PARD3B: variants seen among roughly 807,000 people sequenced by gnomAD.
PARD3B encodes the protein par-3 family cell polarity regulator beta, also known as partitioning defective 3 homolog B.
PARD3B carries 103 observed loss-of-function variants against 130.2 expected under a neutral mutation model. The ratio of observed to expected loss-of-function variants is 0.79; its 90% CI spans 0.67 to 0.93. The LOEUF (loss-of-function observed/expected upper bound fraction) is 0.93. Among genes scored for constraint, PARD3B ranks in the 40% least tolerant of loss-of-function variants. The probability of loss-of-function intolerance (pLI) is 0.00; values close to 1 mark genes in which losing one functional copy is unlikely to be tolerated. For missense variants in PARD3B, 1,609 were observed against 1,499.2 expected, an observed-to-expected ratio of 1.07 and a Z score of -1.21; for synonymous variants, 583 against 553.2, an observed-to-expected ratio of 1.05 and a Z score of -0.76.
At chr2:204,763,474 T>C (rs1324774939) in intron 2 of PARD3B, among the ~76,000 whole-genome samples, 2 of 152,158 alleles carry the variant, frequency 1.3e-5, no homozygotes, top group Non-Finnish European at 2.9e-5. Context: ...TTCTTCAAAA[T>C]ATAGGAGTAA....
chr2:205,413,495 A>G (rs1166796814), intron 19 of PARD3B, among the ~76,000 whole-genome samples: 3 of 152,178 alleles, frequency 2.0e-5, no homozygotes, highest in Non-Finnish European at 4.4e-5. Context: ...AACCGTACTG[A>G]TTTTAATTTT....
At chr2:205,022,795 G>A (rs913196853) in intron 3 of PARD3B, among the ~76,000 whole-genome samples, 2 of 152,080 alleles carry the variant, frequency 1.3e-5, no homozygotes, top group African/African-American at 4.8e-5. Context: ...GGGACACTGG[G>A]TTTTCCCCCC....
chr2:205,145,722 AGTT>A (rs1208549237), intron 10 of PARD3B, among the ~76,000 whole-genome samples: 1 of 150,152 alleles, frequency 6.7e-6, no homozygotes, highest in Non-Finnish European at 1.5e-5. Context: ...CTCCGTGTAA[AGTT>A]GTTTTCATGG....
chr2:205,067,060 A>T (rs1700427124), intron 4 of PARD3B, among the ~76,000 whole-genome samples: 2 of 97,534 alleles, frequency 2.1e-5, no homozygotes, highest in South Asian at 5.9e-4. Flanking sequence ...TGGTCACCAA[A>T]TATTTCTTTG....
At chr2:204,703,063 A>T (rs1380312348) in intron 2 of PARD3B, among the ~76,000 whole-genome samples, 2 of 152,084 alleles carry the variant, frequency 1.3e-5, no homozygotes, top group Non-Finnish European at 2.9e-5. Flanking sequence ...ATATTATCTC[A>T]TCGATTATTT....
intron 1 of PARD3B, among the ~76,000 whole-genome samples, chr2:204,634,706 G>T (rs1025915975): frequency 1.2e-4 from 18 of 152,030 alleles, no homozygotes; most frequent in Non-Finnish European, 1.5e-5. Context: ...AAACTTAAAT[G>T]TATTTTTGAG....
chr2:204,930,147 C>A (rs1055831789), intron 2 of PARD3B, among the ~76,000 whole-genome samples: 1 of 151,822 alleles, frequency 6.6e-6, no homozygotes, highest in Non-Finnish European at 1.5e-5. Context: ...TCTGTACTTG[C>A]AAACATGTTT....
chr2:204,985,124 C>A (rs1209500708), intron 3 of PARD3B, among the ~76,000 whole-genome samples: 1 of 152,046 alleles, frequency 6.6e-6, no homozygotes, highest in Non-Finnish European at 1.5e-5. Flanking sequence ...TCTCTTCTTT[C>A]CATTTCTCCT....
intron 14 of PARD3B, among the ~76,000 whole-genome samples, chr2:205,190,808 T>C (rs2036354024): frequency 6.6e-6 from 1 of 152,158 alleles, no homozygotes; most frequent in African/African-American, 2.4e-5. Flanking sequence ...AAAGGTCGAA[T>C]AACACATTTA....
intron 1 of PARD3B, among the ~76,000 whole-genome samples, chr2:204,599,524 C>A (rs147693975): frequency 8.6e-5 from 13 of 152,004 alleles, no homozygotes; most frequent in Non-Finnish European, 1.9e-4. Context: ...GGATTTTATC[C>A]TTTTTTATGG....
rs1194254724 is a variant in PARD3B at position 205,287,676 on chromosome 2, G to A, written c.2186-12854G>A. Among the ~76,000 whole-genome samples the A allele has an allele frequency of 1.3e-5, 2 of 152,128 alleles. No homozygotes were observed. The highest frequency in any genetic ancestry group is 4.8e-5 in the African/African-American group (2 of 41,416). On this transcript the variant is annotated intron_variant, in intron 16 of 22. Transcript: ENST00000406610. This position sits in a 1 kb window ranked among gnomAD's most constrained non-coding sequence, Gnocchi z 4.8. ...ATGCTCATTTTAGATAGAATAATGG[G>A]TGCCGGCTAGGAAAAAGAATGGATG...
At chr2:205,180,309 CA>C (rs2035718031) in intron 13 of PARD3B, among the ~76,000 whole-genome samples, 2 of 151,154 alleles carry the variant, frequency 1.3e-5, no homozygotes, top group Admixed American at 1.3e-4. Context: ...ATTTAGAGAC[CA>C]AAAAATTATA....
In PARD3B at chr2:205,194,577, A is replaced by G. The variant is rs80308947; in HGVS notation, c.2140+1257A>G. Among the ~76,000 whole-genome samples the G allele has an allele frequency of 6.0e-3, 908 of 152,334 alleles. 15 individuals are homozygous for G. The highest frequency in any genetic ancestry group is 0.02 in the African/African-American group (846 of 41,580). ...TCTTCCCAATTTCTCTGTAAAGAAG[A>G]TGAATGGATCAAAACTGCTCTTATT... On this transcript the variant is annotated intron_variant, in intron 15 of 22. Transcript: ENST00000406610.
At chr2:205,389,456 A>T (rs2045774321) in intron 18 of PARD3B, among the ~76,000 whole-genome samples, 1 of 152,244 alleles carries the variant, frequency 6.6e-6, no homozygotes, top group African/African-American at 2.4e-5. Context: ...TCCGCCTCCC[A>T]GGTTCAAGGG....
At chr2:204,962,695 A>T (rs77148440) in intron 2 of PARD3B, among the ~76,000 whole-genome samples, 142 of 152,304 alleles carry the variant, frequency 9.3e-4, no homozygotes, top group Non-Finnish European at 1.6e-3. Flanking sequence ...TAAACCAGTT[A>T]TCAATGTTGA....
In PARD3B at chr2:205,564,485, A is replaced by G. The variant is rs758179994; in HGVS notation, c.3260+11082A>G. On this transcript the variant is annotated intron_variant, in intron 22 of 22. Coordinates refer to ENST00000406610, the MANE Select transcript of PARD3B (RefSeq NM_001302769.2). The surrounding 1 kb of genome is among the most constrained non-coding windows in gnomAD (Gnocchi z 4.6). The stretch of plus-strand genomic sequence containing the variant: ...TCTGTGTTATGCTAGTGAGTTAAAT[A>G]TATATACATATAAACCAGTTGGTTC... Among the ~76,000 whole-genome samples the G allele has an allele frequency of 1.3e-5, 2 of 152,232 alleles. No homozygotes were observed. Among genetic ancestry groups the G allele is most frequent in the Non-Finnish European group, 2.9e-5 (2 of 68,044 alleles).
At chr2:205,252,842 C>A (rs1362726413) in intron 16 of PARD3B, among the ~76,000 whole-genome samples, 2 of 134,210 alleles carry the variant, frequency 1.5e-5, no homozygotes, top group Non-Finnish European at 3.2e-5. Flanking sequence ...GAAGGGACCC[C>A]CCCCCCCCAC....
At position 205,146,991 on chromosome 2, in the gene PARD3B, C is replaced by T. The variant is rs540831569; in HGVS notation, c.1435-11731C>T. Among the ~76,000 whole-genome samples, 13 of 152,222 alleles carry T rather than the reference C, an allele frequency of 8.5e-5. No homozygotes were observed. Among genetic ancestry groups the T allele is most frequent in the African/African-American group, 2.9e-4 (12 of 41,538 alleles). On this transcript the variant is annotated intron_variant, in intron 10 of 22. Coordinates refer to ENST00000406610, the MANE Select transcript of PARD3B (RefSeq NM_001302769.2). The surrounding 1 kb of genome is among the most constrained non-coding windows in gnomAD (Gnocchi z 4.3). The stretch of plus-strand genomic sequence containing the variant: ...TTGGCCTCCCAAAGTCCTGGGATTA[C>T]AAGCATGAGCCACCGTGCCTGGCCA...
At chr2:204,880,540 G>T (rs1425850172) in intron 2 of PARD3B, among the ~76,000 whole-genome samples, 5 of 151,056 alleles carry the variant, frequency 3.3e-5, no homozygotes, top group African/African-American at 4.9e-5. Flanking sequence ...TGCACCTGTA[G>T]TCTCACCTAC....
Sources: allele counts gnomAD v4.1 joint callset (sites outside exome capture counted in the v4.1 genomes callset), GRCh38; gene constraint gnomAD v4.1.1; non-coding constraint Gnocchi (gnomAD v3.1); transcripts MANE v1.5; gene names NCBI Gene and HGNC (gene_info 2026-07-23, HGNC 2026-07-21).